The following SEC23A variants were observed in gnomAD, a reference collection of about 807,000 sequenced individuals.
The protein encoded by SEC23A is SEC23 homolog A, COPII component, also known as protein transport protein Sec23A.
SEC23A carries 56 observed loss-of-function variants against 103.7 expected under a neutral mutation model. The observed-to-expected ratio is 0.54, with a 90% CI of 0.44 to 0.67. SEC23A has a LOEUF of 0.67. SEC23A is among the 30% of genes least tolerant of loss of function. The pLI, the probability that SEC23A is intolerant of heterozygous loss-of-function variation, is 0.00. For missense variants in SEC23A, 784 were observed against 936.4 expected, an observed-to-expected ratio of 0.84 and a Z score of 2.12; for synonymous variants, 281 against 293.0, an observed-to-expected ratio of 0.96 and a Z score of 0.42.
chr14:39,065,079 C>A, intron 10 of SEC23A, 86 bp from the exon 11 acceptor site: 1 of 862,280 alleles, frequency 1.2e-6, no homozygotes, highest in Non-Finnish European at 2.0e-6. Flanking sequence ...ATAAGATATT[C>A]ATCTATATTT....
intron 17 of SEC23A, among the ~76,000 whole-genome samples, chr14:39,041,864 G>C (rs1186188610): frequency 8.5e-6 from 1 of 117,712 alleles, no homozygotes; most frequent in Admixed American, 9.4e-5. Flanking sequence ...GCAAGACTGA[G>C]TCTCAAAAAA....
chr14:39,097,162 T>C (rs1386281205), intron 1 of SEC23A, among the ~76,000 whole-genome samples: 1 of 152,246 alleles, frequency 6.6e-6, no homozygotes, highest in Non-Finnish European at 1.5e-5. Flanking sequence ...GGGAAGAGGA[T>C]GCACTCTGGG....
intron 7 of SEC23A, among the ~76,000 whole-genome samples, chr14:39,079,197 G>A (rs1201117443): frequency 6.6e-6 from 1 of 152,018 alleles, no homozygotes; most frequent in Non-Finnish European, 1.5e-5. Flanking sequence ...AATGAAATGA[G>A]AGGGCCATTT....
intron 14 of SEC23A, among the ~76,000 whole-genome samples, chr14:39,049,916 C>A (rs1311051061): frequency 1.3e-5 from 2 of 151,736 alleles, no homozygotes; most frequent in Non-Finnish European, 2.9e-5. Context: ...CCTCAGGCAT[C>A]CGCCGCCACG....
chr14:39,077,402 G>C (rs1057320882), intron 7 of SEC23A, among the ~76,000 whole-genome samples: 1 of 151,836 alleles, frequency 6.6e-6, no homozygotes, highest in African/African-American at 2.4e-5. Flanking sequence ...AATTAGCCGG[G>C]CATGGTGGCG....
chr14:39,089,165 C>CAAAA, intron 5 of SEC23A, among the ~76,000 whole-genome samples: 1 of 69,340 alleles, frequency 1.4e-5, no homozygotes, highest in Middle Eastern at 6.5e-3. Flanking sequence ...GACTCCGTGT[C>CAAAA]AAAAAAAAAA....
chr14:39,076,322 A>G (rs2139254769), intron 7 of SEC23A, among the ~76,000 whole-genome samples: 1 of 152,258 alleles, frequency 6.6e-6, no homozygotes, highest in African/African-American at 2.4e-5. Flanking sequence ...CTATGAGCCT[A>G]ATCCCTATAA....
intron 7 of SEC23A, among the ~76,000 whole-genome samples, chr14:39,077,928 G>A (rs1375814826): frequency 6.6e-6 from 1 of 152,050 alleles, no homozygotes; most frequent in Admixed American, 6.6e-5. Flanking sequence ...GTGAGACACT[G>A]TCTAAAATAA....
intron 15 of SEC23A, chr14:39,047,510 C>CAAA: frequency 2.1e-5 from 11 of 513,854 alleles, no homozygotes; most frequent in South Asian, 7.5e-5. Context: ...ACAACAACAA[C>CAAA]AAAAAAAAAA....
At chr14:39,081,313 C>T (rs1887218201) in intron 7 of SEC23A, among the ~76,000 whole-genome samples, 1 of 151,752 alleles carries the variant, frequency 6.6e-6, no homozygotes, top group African/African-American at 2.4e-5. Context: ...TATATCCAAC[C>T]AAGCTATTCT....
At chr14:39,087,461 A>G in intron 5 of SEC23A, 1 of 185,932 alleles carries the variant, frequency 5.4e-6, no homozygotes, top group Non-Finnish European at 1.1e-5. Flanking sequence ...TCAACAGATA[A>G]ATAAATGTAA....
chr14:39,098,488 T>A (rs1446771397), intron 1 of SEC23A, among the ~76,000 whole-genome samples: 2 of 151,884 alleles, frequency 1.3e-5, no homozygotes, highest in African/African-American at 4.8e-5. Context: ...ATAAAAAAAA[T>A]TTTAAGGCCA....
intron 10 of SEC23A, among the ~76,000 whole-genome samples, chr14:39,065,704 AG>A (rs879765680): frequency 1.1e-4 from 16 of 152,084 alleles, no homozygotes; most frequent in Non-Finnish European, 2.2e-4. Flanking sequence ...AACATCTTTA[AG>A]AAAACAACTG....
chr14:39,066,488 T>A (rs1325400116), intron 10 of SEC23A, among the ~76,000 whole-genome samples: 7 of 148,066 alleles, frequency 4.7e-5, no homozygotes, highest in South Asian at 2.1e-4. Flanking sequence ...CTTTTTTTTT[T>A]TTAAAAAAAA....
Position 39,033,226 on chromosome 14 carries a change from CATT to C in SEC23A, c.*10_*12del. 6.3e-7 allele frequency: 1 copy of C among 1,575,176 alleles called. No homozygotes were observed. Among genetic ancestry groups the C allele is most frequent in the Non-Finnish European group, 8.7e-7 (1 of 1,144,706 alleles). ...ATTTCATCTTCTTAAGTGTCTTTAACATTATTAGCACTTCAAGCAGCACTGGAC... is the reference window on the plus strand; with the variant it reads ...ATTTCATCTTCTTAAGTGTCTTTAACATTAGCACTTCAAGCAGCACTGGAC... On this transcript the variant is annotated 3_prime_UTR_variant, in exon 20 of 20. Transcript: ENST00000307712.
At chr14:39,041,439 TG>T (rs1885638030) in intron 17 of SEC23A, 1 of 60,674 alleles carries the variant, frequency 1.6e-5, no homozygotes, top group African/African-American at 5.1e-5. Flanking sequence ...AAAAAAGCCC[TG>T]TCAGTATTAC....
At position 39,095,877 on chromosome 14, in the gene SEC23A, T is replaced by C. The variant is rs764076167; in HGVS notation, c.221+21A>G. On this transcript the variant is annotated intron_variant, in intron 2 of 19. Transcript: ENST00000307712. The stretch of plus-strand genomic sequence containing the variant: ...TTTAAAATCACATTGCCACATTAGT[T>C]TTTCTATATATTTTACTTACCATAA... 1.9e-5 allele frequency: 29 copies of C among 1,527,250 alleles called. No homozygotes were observed. In the South Asian group the frequency reaches 3.1e-4, roughly 17 times the overall value. The allele number at this position is 1,527,250 out of a possible 1,614,324, so 94.6% of individuals were successfully genotyped here.
Position 39,055,402 on chromosome 14 carries a change from CT to C in SEC23A, c.1506-107del, listed in dbSNP as rs1886207511. 5.1e-6 allele frequency: 6 copies of C among 1,171,192 alleles called. No homozygotes were observed. The Admixed American group carries it at 7.0e-5, about 14-fold the overall frequency. The allele number at this position is 1,171,192 out of a possible 1,614,324, so 72.5% of individuals were successfully genotyped here. On this transcript the variant is annotated intron_variant, in intron 13 of 19. Transcript: ENST00000307712. ...ATTTAAAAGATAAAAGATACAGAAA[CT>C]ACTAGGATTTTTTTTTTTTTTTGAG...
At chr14:39,039,251 A>G in intron 18 of SEC23A, 155 bp from the exon 19 acceptor site, 1 of 645,872 alleles carries the variant, frequency 1.5e-6, no homozygotes, top group Non-Finnish European at 2.7e-6. Flanking sequence ...TTTGAAATGT[A>G]TAGGTCACTA....
Sources: gnomAD v4.1 joint callset for allele counts (sites outside exome capture counted in the v4.1 genomes callset) on GRCh38, gnomAD v4.1.1 for gene constraint, MANE v1.5 for transcripts, NCBI Gene and HGNC (gene_info 2026-07-23, HGNC 2026-07-21) for gene names.